ARL5A: variants seen among roughly 807,000 people sequenced by gnomAD.
ARL5A encodes the protein ARF like GTPase 5A.
Under a neutral mutation model 25.9 loss-of-function variants are expected in ARL5A, and 18 were observed. The observed-to-expected ratio is 0.69, with a 90% confidence interval of 0.48 to 1.03. The LOEUF is 1.03. Among genes scored for constraint, ARL5A ranks in the 50% least tolerant of loss-of-function variants. The pLI is 0.00. For synonymous variants in ARL5A, 61 were observed against 67.5 expected (o/e 0.90, Z 0.47); for missense variants, 170 against 211.9 (o/e 0.80, Z 1.23).
intron 1 of ARL5A, chr2:151,827,915 A>T: frequency 1.8e-6 from 1 of 556,574 alleles, no homozygotes; most frequent in Non-Finnish European, 3.2e-6. Context: ...CTTCTTAGGA[A>T]GGTCTCCTAA....
intron 1 of ARL5A, among the ~76,000 whole-genome samples, chr2:151,822,219 C>T (rs2099832442): frequency 6.6e-6 from 1 of 152,124 alleles, no homozygotes; most frequent in Non-Finnish European, 1.5e-5. Flanking sequence ...CCATGTTGGC[C>T]AAGCTGGTCT....
Position 151,828,279 on chromosome 2 carries a change from C to A in ARL5A, c.-103G>T. On this transcript the variant is annotated 5_prime_UTR_variant, in exon 1 of 6. Coordinates refer to ENST00000295087, the MANE Select transcript of ARL5A (RefSeq NM_012097.4). ...AGACGCGCTGGAGCCTCCGCCTCTGCTGCTGCTCCCGCGCTGGTCGCGGGC... is the reference window on the plus strand; with the variant it reads ...AGACGCGCTGGAGCCTCCGCCTCTGATGCTGCTCCCGCGCTGGTCGCGGGC... 2 of 1,037,616 alleles carry A rather than the reference C, an allele frequency of 1.9e-6. No individual in the cohort carries two copies. The highest frequency in any genetic ancestry group is 1.7e-5 in the African/African-American group (1 of 59,680). The allele number at this position is 1,037,616 out of a possible 1,614,324, so 64.3% of individuals were successfully genotyped here. A position where few individuals can be genotyped will look rare whatever the true frequency, so the allele number is the denominator to read the frequency against.
chr2:151,812,402 CCT>C lies in ARL5A; in HGVS notation c.292_293del (p.Arg98AspfsTer5), dbSNP rs769912014. On this transcript the variant is annotated frameshift_variant, in exon 4 of 6. Coordinates refer to ENST00000295087, the MANE Select transcript of ARL5A (RefSeq NM_012097.4). LOFTEE classifies it high-confidence loss of function. The stretch of plus-strand genomic sequence containing the variant: ...AGAGTTCTTCTCTAGTTACAGAAAT[CCT>C]CTCTCTGTCTGTACTGTCCACAACA... The part of the protein sequence containing the change: ...IVVVDSTDRE[R>X]ISVTREELYK... 13 of 1,606,352 alleles carry C rather than the reference CCT, an allele frequency of 8.1e-6. No individual in the cohort carries two copies. Among genetic ancestry groups the C allele is most frequent in the East Asian group, 2.2e-5 (1 of 44,626 alleles).
Position 151,815,183 on chromosome 2 carries a change from AATG to A in ARL5A, c.60_62del (p.Ile21del), listed in dbSNP as rs1168168338. On this transcript the variant is annotated inframe_deletion, in exon 2 of 6. Transcript: ENST00000295087. ...TTTTCCCTGCATTATCCAGCCCAAC[AATG>A]ATAACTTTGTGCTCTGAAATAGAGA... 6 of 1,607,448 alleles carry A rather than the reference AATG, an allele frequency of 3.7e-6. No homozygotes were observed. Among genetic ancestry groups the A allele is most frequent in the East Asian group, 2.2e-5 (1 of 44,712 alleles).
intron 2 of ARL5A, among the ~76,000 whole-genome samples, chr2:151,814,873 G>A (rs1182727139): frequency 1.3e-5 from 2 of 152,014 alleles, no homozygotes; most frequent in African/African-American, 4.8e-5. Flanking sequence ...ACCGCACCCG[G>A]CCATATTTTT....
chr2:151,827,992 G>T, intron 1 of ARL5A, 139 bp downstream of exon 1: 2 of 842,280 alleles, frequency 2.4e-6, no homozygotes, highest in Non-Finnish European at 3.8e-6. Flanking sequence ...TCCCGGGCCC[G>T]TATCCGCGCA....
chr2:151,807,392 A>G (rs2099830229), intron 4 of ARL5A, among the ~76,000 whole-genome samples: 1 of 152,124 alleles, frequency 6.6e-6, no homozygotes. Flanking sequence ...ACTGCTCTCT[A>G]AACAGTTTTG....
chr2:151,808,721 A>C (rs747828905), intron 4 of ARL5A, among the ~76,000 whole-genome samples: 4 of 152,218 alleles, frequency 2.6e-5, no homozygotes, highest in Non-Finnish European at 5.9e-5. Context: ...GATATACAGT[A>C]AATATTTTTT....
intron 1 of ARL5A, among the ~76,000 whole-genome samples, chr2:151,824,596 A>G (rs910522294): frequency 4.6e-5 from 7 of 152,178 alleles, no homozygotes; most frequent in Non-Finnish European, 7.3e-5. Context: ...CATACTTATA[A>G]TTCCTTTTCT....
intron 4 of ARL5A, among the ~76,000 whole-genome samples, chr2:151,807,356 C>A (rs1448868613): frequency 6.6e-6 from 1 of 152,158 alleles, no homozygotes; most frequent in Non-Finnish European, 1.5e-5. Context: ...TATATAAGTA[C>A]TCTGCTGTAA....
At chr2:151,809,943 C>T (rs1019041470) in intron 4 of ARL5A, among the ~76,000 whole-genome samples, 4 of 151,964 alleles carry the variant, frequency 2.6e-5, no homozygotes, top group Admixed American at 6.6e-5. Context: ...AATTAGCTGG[C>T]GTGGTGGTGG....
At chr2:151,816,972 G>T (rs2099831595) in intron 1 of ARL5A, among the ~76,000 whole-genome samples, 1 of 152,206 alleles carries the variant, frequency 6.6e-6, no homozygotes, top group Non-Finnish European at 1.5e-5. Flanking sequence ...TGTTCAGCAG[G>T]TTAGGTGTAA....
rs113804293 is a variant in ARL5A, at chr2:151,812,736, T to C, written c.256-296A>G. 9.9e-3 allele frequency among the ~76,000 whole-genome samples: 1,515 copies of C among 152,276 alleles called. 29 individuals are homozygous for C. Among genetic ancestry groups the C allele is most frequent in the African/African-American group, 0.034 (1,430 of 41,548 alleles). On this transcript the variant is annotated intron_variant, in intron 3 of 5. Coordinates refer to ENST00000295087, the MANE Select transcript of ARL5A (RefSeq NM_012097.4). ...GCTAATGGACCTATATCTATCTATT[T>C]GCACTACAAATCAACAAGAAAAACA...
chr2:151,828,279 C>T lies in ARL5A; in HGVS notation c.-103G>A. On this transcript the variant is annotated 5_prime_UTR_variant, in exon 1 of 6. Transcript: ENST00000295087. ...AGACGCGCTGGAGCCTCCGCCTCTGCTGCTGCTCCCGCGCTGGTCGCGGGC... is the reference window on the plus strand; with the variant it reads ...AGACGCGCTGGAGCCTCCGCCTCTGTTGCTGCTCCCGCGCTGGTCGCGGGC... The T allele has an allele frequency of 9.6e-7, 1 of 1,037,616 alleles. No individual in the cohort carries two copies. The highest frequency in any genetic ancestry group is 1.4e-6 in the Non-Finnish European group (1 of 707,506). 64.3% of individuals were successfully genotyped at this position (1,037,616 alleles called of 1,614,324 possible).
chr2:151,805,729 A>G (rs1257095303), intron 5 of ARL5A, among the ~76,000 whole-genome samples: 1 of 152,176 alleles, frequency 6.6e-6, no homozygotes, highest in Non-Finnish European at 1.5e-5. Flanking sequence ...GTACTGAAAC[A>G]TATCTAAAAA....
At chr2:151,827,293 T>C (rs1276087303) in intron 1 of ARL5A, among the ~76,000 whole-genome samples, 1 of 152,264 alleles carries the variant, frequency 6.6e-6, no homozygotes, top group Non-Finnish European at 1.5e-5. Flanking sequence ...ACAAGCCTGA[T>C]AGGTATTTCA....
chr2:151,827,868 A>C (rs1280104102), intron 1 of ARL5A: 3 of 502,896 alleles, frequency 6.0e-6, no homozygotes, highest in Non-Finnish European at 1.0e-5. Context: ...TACCACTCTC[A>C]TTCGAAATCG....
rs1198544665 is a variant in ARL5A, at chr2:151,801,935, T to G, written c.*1341A>C. 2 of 152,098 alleles carry G rather than the reference T, an allele frequency of 1.3e-5. No homozygotes were observed. The highest frequency in any genetic ancestry group is 2.9e-5 in the Non-Finnish European group (2 of 67,928). The allele number at this position is 152,098 out of a possible 1,614,324, so 9.4% of individuals were successfully genotyped here. On this transcript the variant is annotated 3_prime_UTR_variant, in exon 6 of 6. Coordinates refer to ENST00000295087, the MANE Select transcript of ARL5A (RefSeq NM_012097.4). ...GTTGTGACAGGAATACCTTTGACTTTCAGACACTGAAAAAATATACCCTAA... is the reference window on the plus strand; with the variant it reads ...GTTGTGACAGGAATACCTTTGACTTGCAGACACTGAAAAAATATACCCTAA...
chr2:151,813,563 G>T (rs1238244344), intron 3 of ARL5A, among the ~76,000 whole-genome samples: 2 of 152,086 alleles, frequency 1.3e-5, no homozygotes, highest in Non-Finnish European at 1.5e-5. Flanking sequence ...TGACTTAAAA[G>T]TCAGCTTTAT....
Sources: gnomAD v4.1 joint callset for allele counts (sites outside exome capture counted in the v4.1 genomes callset) on GRCh38, gnomAD v4.1.1 for gene constraint, MANE v1.5 for transcripts, NCBI Gene and HGNC (gene_info 2026-07-23, HGNC 2026-07-21) for gene names.